The following WDR20 variants were observed in gnomAD, a reference collection of about 807,000 sequenced individuals.
WDR20 encodes the protein WD repeat domain 20, also known as WD repeat-containing protein 20.
In WDR20, 3 loss-of-function variants were observed where a neutral mutation model predicts 38.7. That is an observed-to-expected ratio of 0.08 (90% CI 0.04 to 0.20). The LOEUF is 0.20. WDR20 is among the 10% of genes least tolerant of loss of function. The pLI, the probability that WDR20 is intolerant of heterozygous loss-of-function variation, is 1.00. For missense variants in WDR20, 559 were observed against 727.7 expected (o/e 0.77, Z 2.67); for synonymous variants, 298 against 285.6 (o/e 1.04, Z -0.44).
Position 102,222,817 on chromosome 14 carries a change from G to A in WDR20, c.1693-13G>A. On this transcript the variant is annotated splice_polypyrimidine_tract_variant and intron_variant, in intron 3 of 3. Coordinates refer to the WDR20 transcript ENST00000335263. The surrounding 1 kb of genome is among the most constrained non-coding windows in gnomAD (Gnocchi z 4.4). Reference sequence around the variant, plus strand: ...GTGTTTTGCTGGATTAATGTAGACTGCTTTGTTTGCAGGGCTCATTGTCAT... The same window carrying A: ...GTGTTTTGCTGGATTAATGTAGACTACTTTGTTTGCAGGGCTCATTGTCAT... 2 of 1,614,150 alleles carry A rather than the reference G, an allele frequency of 1.2e-6. No individual in the cohort carries two copies. Among genetic ancestry groups the A allele is most frequent in the South Asian group, 1.1e-5 (1 of 91,086 alleles).
intron 1 of WDR20, among the ~76,000 whole-genome samples, chr14:102,148,792 A>G (rs918049853): frequency 5.3e-5 from 8 of 151,848 alleles, no homozygotes; most frequent in Admixed American, 5.3e-4. Flanking sequence ...TCCTGGGCTC[A>G]AGTGATCCTC....
chr14:102,208,821 G>A lies in WDR20; in HGVS notation c.651G>A (p.Thr217=), dbSNP rs200386311. 3.8e-5 allele frequency: 62 copies of A among 1,614,244 alleles called. No individual in the cohort carries two copies. The Admixed American group carries it at 6.5e-4, about 17-fold the overall frequency. Residue 217 remains threonine, a synonymous_variant, in exon 3 of 3, where the codon ACG becomes ACA. Transcript: ENST00000342702. This position sits in a 1 kb window ranked among gnomAD's most constrained non-coding sequence, Gnocchi z 5.6. The stretch of plus-strand genomic sequence containing the variant: ...CGAGGAACCCTCTCCTTAAGTGGAC[G>A]GTGGGCGAGGGGGCCCTCAACGAGT... ...KSTRNPLLKW[T]VGEGALNEFA...
Position 102,222,894 on chromosome 14 carries a change from G to A in WDR20, c.*11G>A, listed in dbSNP as rs1205204169. ...GGAACTGTAGTGTAGCGACCTCACT[G>A]CTGCGCGCACAGTCTCCCGGGACTT... On this transcript the variant is annotated 3_prime_UTR_variant, in exon 4 of 4. Coordinates refer to the WDR20 transcript ENST00000335263. This position sits in a 1 kb window ranked among gnomAD's most constrained non-coding sequence, Gnocchi z 4.4. 6.2e-7 allele frequency: 1 copy of A among 1,614,010 alleles called. No individual in the cohort carries two copies. The highest frequency in any genetic ancestry group is 8.5e-7 in the Non-Finnish European group (1 of 1,179,970).
At chr14:102,194,042 C>T (rs1456194605) in intron 1 of WDR20, among the ~76,000 whole-genome samples, 1 of 152,224 alleles carries the variant, frequency 6.6e-6, no homozygotes, top group African/African-American at 2.4e-5. Context: ...TTGCTTTTGA[C>T]TCTCTCTCCC....
rs77368789 is a variant in WDR20, at chr14:102,160,462, G to C, written c.249+20290G>C. ...ATTTGAGCAGAGATGGGAAGGAATT[G>C]AGGGAACATACTGTGTATGGTATTT... On this transcript the variant is annotated intron_variant, in intron 1 of 2. Coordinates refer to ENST00000342702, the MANE Select transcript of WDR20 (RefSeq NM_144574.4). Among the ~76,000 whole-genome samples, 587 of 152,228 alleles carry C rather than the reference G, an allele frequency of 3.9e-3. 9 individuals are homozygous for C. The East Asian group carries it at 0.048, about 13-fold the overall frequency.
downstream of WDR20, among the ~76,000 whole-genome samples, chr14:102,224,207 A>G (rs2064156231): frequency 1.3e-5 from 2 of 151,726 alleles, no homozygotes; most frequent in Admixed American, 1.3e-4. Context: ...ACGCCCGGCT[A>G]ATTTTTGTAT....
chr14:102,139,734 G>T, upstream of WDR20: 3 of 853,674 alleles, frequency 3.5e-6, no homozygotes, highest in Non-Finnish European at 5.3e-6. Context: ...CGCCAGGTGA[G>T]CACGCCTGCG....
chr14:102,144,285 C>T (rs2052712870), intron 1 of WDR20, among the ~76,000 whole-genome samples: 2 of 151,862 alleles, frequency 1.3e-5, no homozygotes, highest in African/African-American at 2.4e-5. Context: ...GAGTTTGAGA[C>T]CAGCCTGGCC....
At chr14:102,210,866 C>T (rs543696551), downstream of WDR20, among the ~76,000 whole-genome samples, 1 of 152,276 alleles carries the variant, frequency 6.6e-6, no homozygotes, top group African/African-American at 2.4e-5. Context: ...GTTTGGGCTT[C>T]GTCCCCCGCA....
downstream of WDR20, among the ~76,000 whole-genome samples, chr14:102,219,592 C>T (rs1375387795): frequency 6.6e-6 from 1 of 152,188 alleles, no homozygotes; most frequent in Non-Finnish European, 1.5e-5. Flanking sequence ...TAGAGACCAC[C>T]GTTTTCCCCT....
At chr14:102,141,139 T>C (rs2152650556) in intron 1 of WDR20, among the ~76,000 whole-genome samples, 1 of 152,320 alleles carries the variant, frequency 6.6e-6, no homozygotes, top group South Asian at 2.1e-4. Flanking sequence ...TTGCTTATTT[T>C]TGAGATTGTA....
intron 1 of WDR20, among the ~76,000 whole-genome samples, chr14:102,177,273 A>G (rs567063753): frequency 3.9e-5 from 6 of 152,306 alleles, no homozygotes; most frequent in African/African-American, 1.4e-4. Flanking sequence ...GCCTTCCCAC[A>G]TATTTCTACT....
chr14:102,217,389 C>T (rs1327094873), downstream of WDR20, among the ~76,000 whole-genome samples: 2 of 152,176 alleles, frequency 1.3e-5, no homozygotes, highest in Non-Finnish European at 1.5e-5. Context: ...CGTGGTCTTT[C>T]CCCGGAAGTC....
intron 1 of WDR20, among the ~76,000 whole-genome samples, chr14:102,182,291 G>C (rs1449491863): frequency 6.6e-6 from 1 of 152,176 alleles, no homozygotes; most frequent in South Asian, 2.1e-4. Context: ...ACAGTGAACT[G>C]TTCTAACACT....
In WDR20 at chr14:102,208,822, G is replaced by C. The variant is rs1217103173; in HGVS notation, c.652G>C (p.Val218Leu). The change falls in exon 3 of 3, where the codon GTG becomes CTG. Residue 218 changes from valine to leucine, a missense_variant. Coordinates refer to ENST00000342702, the MANE Select transcript of WDR20 (RefSeq NM_144574.4). The surrounding 1 kb of genome is among the most constrained non-coding windows in gnomAD (Gnocchi z 5.6). ...STRNPLLKWTVGEGALNEFAF... is the reference protein window; with the variant it reads ...STRNPLLKWTLGEGALNEFAF... ...GAGGAACCCTCTCCTTAAGTGGACG[G>C]TGGGCGAGGGGGCCCTCAACGAGTT... 24 of 1,614,258 alleles carry C rather than the reference G, an allele frequency of 1.5e-5. No homozygotes were observed. Among genetic ancestry groups the C allele is most frequent in the Non-Finnish European group, 1.9e-5 (23 of 1,180,050 alleles).
intron 1 of WDR20, among the ~76,000 whole-genome samples, chr14:102,162,170 G>C (rs1260746044): frequency 6.6e-6 from 1 of 152,196 alleles, no homozygotes; most frequent in Non-Finnish European, 1.5e-5. Flanking sequence ...TTGGGACCCA[G>C]ATGTAATAGA....
At chr14:102,143,242 G>A (rs550893296) in intron 1 of WDR20, among the ~76,000 whole-genome samples, 3 of 152,258 alleles carry the variant, frequency 2.0e-5, no homozygotes, top group East Asian at 3.9e-4. Flanking sequence ...TATATACTCC[G>A]AGCACTTCAG....
intron 1 of WDR20, among the ~76,000 whole-genome samples, chr14:102,176,191 G>GAGAACATCC (rs1354383678): frequency 1.3e-5 from 2 of 151,894 alleles, no homozygotes; most frequent in East Asian, 3.9e-4. Flanking sequence ...TCAGGAGATC[G>GAGAACATCC]AGAACATCCT....
At chr14:102,145,525 AG>A (rs1261010566) in intron 1 of WDR20, among the ~76,000 whole-genome samples, 3 of 152,198 alleles carry the variant, frequency 2.0e-5, no homozygotes, top group Admixed American at 1.3e-4. Context: ...TGGGAGGCCA[AG>A]GCGGGAGGAT....
Sources: allele counts gnomAD v4.1 joint callset (sites outside exome capture counted in the v4.1 genomes callset), GRCh38; gene constraint gnomAD v4.1.1; non-coding constraint Gnocchi (gnomAD v3.1); transcripts MANE v1.5; gene names NCBI Gene and HGNC (gene_info 2026-07-23, HGNC 2026-07-21).